AK5: variants seen among roughly 807,000 people sequenced by gnomAD.
The protein encoded by AK5 is adenylate kinase 5.
Under a neutral mutation model 69.5 loss-of-function variants are expected in AK5, and 27 were observed. The observed-to-expected ratio is 0.39, with a 90% CI of 0.29 to 0.54. The LOEUF is 0.54. AK5 is among the 20% of genes least tolerant of loss of function. The pLI, the probability that AK5 is intolerant of heterozygous loss-of-function variation, is 0.71. For synonymous variants in AK5, 260 were observed against 244.4 expected, an observed-to-expected ratio of 1.06 and a Z score of -0.60; for missense variants, 531 against 700.4, an observed-to-expected ratio of 0.76 and a Z score of 2.73.
intron 5 of AK5, among the ~76,000 whole-genome samples, chr1:77,325,169 T>G (rs1043431477): frequency 6.6e-6 from 1 of 151,230 alleles, no homozygotes; most frequent in Non-Finnish European, 1.5e-5. Flanking sequence ...TTGTTTTTTT[T>G]TTTTTTTGTA....
chr1:77,334,685 T>G (rs1037892846), intron 5 of AK5, among the ~76,000 whole-genome samples: 2 of 152,310 alleles, frequency 1.3e-5, no homozygotes, highest in East Asian at 3.9e-4. Flanking sequence ...TTCATTTGTC[T>G]CTGTTAAACA....
chr1:77,349,246 A>G (rs991384641), intron 6 of AK5, among the ~76,000 whole-genome samples: 5 of 152,170 alleles, frequency 3.3e-5, no homozygotes, highest in Admixed American at 2.6e-4. Flanking sequence ...ACAATTACCT[A>G]TATAACAAAC....
In AK5 at chr1:77,494,009, G is replaced by A. The variant is rs553795534; in HGVS notation, c.1147+7657G>A. 2.0e-5 allele frequency among the ~76,000 whole-genome samples: 3 copies of A among 152,280 alleles called. No homozygotes were observed. The South Asian group carries it at 6.2e-4, about 32-fold the overall frequency. On this transcript the variant is annotated intron_variant, in intron 10 of 13. Coordinates refer to ENST00000354567, the MANE Select transcript of AK5 (RefSeq NM_174858.3). ...AAGGGCTTATTATGGTCAAAGAACC[G>A]TGAAATTCAAAAAGACATAAAACAG... is the stretch of plus-strand genomic sequence containing the variant.
chr1:77,431,119 A>G (rs1651609826), intron 8 of AK5, among the ~76,000 whole-genome samples: 1 of 152,132 alleles, frequency 6.6e-6, no homozygotes, highest in Non-Finnish European at 1.5e-5. Flanking sequence ...AGTTCCTGTA[A>G]GATGACTTCC....
At chr1:77,536,762 C>T (rs528831717) in intron 13 of AK5, among the ~76,000 whole-genome samples, 15 of 152,172 alleles carry the variant, frequency 9.9e-5, no homozygotes, top group African/African-American at 3.4e-4. Context: ...AATTTTACAT[C>T]GTTCACAATT....
intron 8 of AK5, among the ~76,000 whole-genome samples, chr1:77,456,344 T>C (rs2100666301): frequency 6.6e-6 from 1 of 152,356 alleles, no homozygotes; most frequent in African/African-American, 2.4e-5. Flanking sequence ...AACCCCAACC[T>C]GACTGCAGCT....
At chr1:77,289,643 A>G (rs1046604751) in intron 2 of AK5, among the ~76,000 whole-genome samples, 1 of 152,194 alleles carries the variant, frequency 6.6e-6, no homozygotes, top group African/African-American at 2.4e-5. Flanking sequence ...TACACAGAAG[A>G]TAGGCATGTG....
intron 8 of AK5, among the ~76,000 whole-genome samples, chr1:77,441,357 C>T (rs1305276695): frequency 6.6e-6 from 1 of 152,020 alleles, no homozygotes; most frequent in Admixed American, 6.6e-5. Context: ...ATTAAACTTC[C>T]ATGCTCTTTT....
chr1:77,491,212 C>T (rs1655971469), intron 10 of AK5, among the ~76,000 whole-genome samples: 1 of 151,270 alleles, frequency 6.6e-6, no homozygotes, highest in Non-Finnish European at 1.5e-5. Context: ...AGAATTTTTG[C>T]TTAAAACTCA....
At chr1:77,304,895 T>C (rs1389153061) in intron 5 of AK5, among the ~76,000 whole-genome samples, 1 of 152,158 alleles carries the variant, frequency 6.6e-6, no homozygotes, top group Non-Finnish European at 1.5e-5. Context: ...TCATTTTTAG[T>C]TTTTTGAGGA....
At chr1:77,363,313 C>A (rs1646896788) in intron 6 of AK5, among the ~76,000 whole-genome samples, 1 of 152,164 alleles carries the variant, frequency 6.6e-6, no homozygotes, top group Non-Finnish European at 1.5e-5. Flanking sequence ...ATCCAGAATT[C>A]CACTGCTTCC....
intron 10 of AK5, among the ~76,000 whole-genome samples, chr1:77,506,433 G>A (rs186987575): frequency 1.3e-5 from 2 of 152,206 alleles, no homozygotes; most frequent in East Asian, 3.9e-4. Flanking sequence ...TGAGCTGTAG[G>A]AGGTCACCAG....
intron 10 of AK5, among the ~76,000 whole-genome samples, chr1:77,513,867 T>C (rs1657490767): frequency 6.6e-6 from 1 of 152,182 alleles, no homozygotes; most frequent in Non-Finnish European, 1.5e-5. Flanking sequence ...CAAAGCAAAC[T>C]GGAAAACGTG....
At chr1:77,532,043 C>T (rs1008911246) in intron 12 of AK5, 1 of 152,054 alleles carries the variant, frequency 6.6e-6, no homozygotes, top group African/African-American at 2.4e-5. Flanking sequence ...CCACGCCCAC[C>T]TGGAGCTCTG....
At chr1:77,527,248 G>A (rs1434380335) in intron 12 of AK5, among the ~76,000 whole-genome samples, 1 of 152,100 alleles carries the variant, frequency 6.6e-6, no homozygotes, top group Non-Finnish European at 1.5e-5. Flanking sequence ...CCTCATACAA[G>A]CCTCTAAAAT....
At chr1:77,495,375 C>A (rs1656250111) in intron 10 of AK5, among the ~76,000 whole-genome samples, 1 of 152,196 alleles carries the variant, frequency 6.6e-6, no homozygotes, top group Non-Finnish European at 1.5e-5. Context: ...CTGCAATTTT[C>A]TGTTTTACTT....
intron 5 of AK5, among the ~76,000 whole-genome samples, chr1:77,328,368 C>T (rs992279947): frequency 6.6e-6 from 1 of 151,912 alleles, no homozygotes; most frequent in Non-Finnish European, 1.5e-5. Flanking sequence ...GGCGTGGTGG[C>T]GGGAGCCTGT....
At chr1:77,405,938 A>G (rs1192055546) in intron 6 of AK5, among the ~76,000 whole-genome samples, 1 of 152,124 alleles carries the variant, frequency 6.6e-6, no homozygotes, top group Non-Finnish European at 1.5e-5. Flanking sequence ...ACACACTTAA[A>G]ATGTTAACTT....
At chr1:77,294,897 C>T (rs2100656876) in intron 3 of AK5, among the ~76,000 whole-genome samples, 1 of 152,080 alleles carries the variant, frequency 6.6e-6, no homozygotes, top group Non-Finnish European at 1.5e-5. Context: ...GGCGTGGTGA[C>T]ACACACCTGT....
Sources: gnomAD v4.1 joint callset for allele counts (sites outside exome capture counted in the v4.1 genomes callset) on GRCh38, gnomAD v4.1.1 for gene constraint, MANE v1.5 for transcripts, NCBI Gene and HGNC (gene_info 2026-07-23, HGNC 2026-07-21) for gene names.